The following ZNF503 variants were observed in gnomAD, a reference collection of about 807,000 sequenced individuals.
The protein encoded by ZNF503 is NocA-like zinc finger 2.
ZNF503 carries 15 observed loss-of-function variants against 34.4 expected under a neutral mutation model. The observed-to-expected ratio is 0.44, with a 90% CI of 0.29 to 0.67. The LOEUF (loss-of-function observed/expected upper bound fraction) is 0.67. Among genes scored for constraint, ZNF503 ranks in the 30% least tolerant of loss-of-function variants. ZNF503 has a pLI of 0.13. For synonymous variants in ZNF503, 580 were observed against 456.8 expected, an observed-to-expected ratio of 1.27 and a Z score of -3.44; for missense variants, 1,007 against 926.8, an observed-to-expected ratio of 1.09 and a Z score of -1.12.
chr10:75,336,950 A>G, the ZNF503 span, among the ~76,000 whole-genome samples: 7 of 152,196 alleles, frequency 4.6e-5, no homozygotes, highest in African/African-American at 1.7e-4. Flanking sequence ...TCTGCTTTTA[A>G]AAGGCTTGTC....
the ZNF503 span, among the ~76,000 whole-genome samples, chr10:75,294,776 C>T: frequency 6.7e-6 from 1 of 149,896 alleles, no homozygotes; most frequent in Non-Finnish European, 1.5e-5. Flanking sequence ...AGGGAGACCC[C>T]GGAGAGGAAG....
the ZNF503 span, among the ~76,000 whole-genome samples, chr10:75,372,026 T>G: frequency 6.6e-6 from 1 of 152,162 alleles, no homozygotes; most frequent in African/African-American, 2.4e-5. Flanking sequence ...GCCTTCTGGG[T>G]TCAAGCCATT....
chr10:75,316,426 A>T, the ZNF503 span, among the ~76,000 whole-genome samples: 1 of 151,258 alleles, frequency 6.6e-6, no homozygotes, highest in Non-Finnish European at 1.5e-5. Context: ...GCACGATCAT[A>T]GTTCACTGCA....
the ZNF503 span, among the ~76,000 whole-genome samples, chr10:75,318,418 C>T: frequency 6.6e-6 from 1 of 152,012 alleles, no homozygotes; most frequent in Non-Finnish European, 1.5e-5. Flanking sequence ...CACCTGTAAT[C>T]CCAGCACTTT....
chr10:75,397,613 A>G (rs761173744), downstream of ZNF503, among the ~76,000 whole-genome samples: 18 of 152,308 alleles, frequency 1.2e-4, no homozygotes, highest in East Asian at 3.3e-3. Context: ...GGAGGACACT[A>G]TTTTCCAAAT....
At chr10:75,322,801 C>T in the ZNF503 span, among the ~76,000 whole-genome samples, 28 of 152,214 alleles carry the variant, frequency 1.8e-4, no homozygotes, top group Non-Finnish European at 4.1e-4. Context: ...TATCATGCCA[C>T]TGCACTCTAA....
At chr10:75,326,839 T>TTTTA in the ZNF503 span, among the ~76,000 whole-genome samples, 1 of 151,902 alleles carries the variant, frequency 6.6e-6, no homozygotes, top group African/African-American at 2.4e-5. Context: ...CCTGGCTAAT[T>TTTTA]TTTATTTATT....
the ZNF503 span, among the ~76,000 whole-genome samples, chr10:75,295,975 A>G: frequency 2.0e-5 from 3 of 152,216 alleles, no homozygotes; most frequent in South Asian, 4.1e-4. This position sits in a 1 kb window ranked among gnomAD's most constrained non-coding sequence, Gnocchi z 4.0. Context: ...CTATAACTCT[A>G]CAAGTAAAAC....
At chr10:75,303,039 T>C in the ZNF503 span, among the ~76,000 whole-genome samples, 1 of 152,366 alleles carries the variant, frequency 6.6e-6, no homozygotes, top group East Asian at 1.9e-4. Flanking sequence ...AGAGGTTTTG[T>C]AGACCTCCAA....
At chr10:75,381,149 T>G in the ZNF503 span, among the ~76,000 whole-genome samples, 1 of 152,244 alleles carries the variant, frequency 6.6e-6, no homozygotes, top group Non-Finnish European at 1.5e-5. Context: ...TGTGACCGAA[T>G]TCTGGCCAAT....
chr10:75,371,124 C>G, the ZNF503 span, among the ~76,000 whole-genome samples: 1 of 152,186 alleles, frequency 6.6e-6, no homozygotes, highest in African/African-American at 2.4e-5. Context: ...AGGTTAGGAT[C>G]TGAGAGGACC....
chr10:75,359,967 G>A, the ZNF503 span, among the ~76,000 whole-genome samples: 1 of 151,918 alleles, frequency 6.6e-6, no homozygotes, highest in Admixed American at 6.6e-5. Context: ...AGAAGCTCTT[G>A]GTTTTTAGGT....
chr10:75,397,543 T>A (rs896399381), downstream of ZNF503, among the ~76,000 whole-genome samples: 2 of 152,194 alleles, frequency 1.3e-5, no homozygotes, highest in Admixed American at 1.3e-4. Context: ...ACACCCCCTT[T>A]CACTTTTAAC....
the ZNF503 span, among the ~76,000 whole-genome samples, chr10:75,386,236 T>G: frequency 6.6e-6 from 1 of 152,204 alleles, no homozygotes; most frequent in Admixed American, 6.5e-5. Context: ...TCTACCCTTC[T>G]GTGGCTGGAA....
the ZNF503 span, among the ~76,000 whole-genome samples, chr10:75,329,423 C>CTTCCTTCCT: frequency 1.0e-3 from 82 of 80,300 alleles, no homozygotes; most frequent in African/African-American, 3.1e-3. Flanking sequence ...CCTTTCCTTC[C>CTTCCTTCCT]TTCCTTCCTT....
At chr10:75,365,988 C>T in the ZNF503 span, among the ~76,000 whole-genome samples, 1 of 152,180 alleles carries the variant, frequency 6.6e-6, no homozygotes, top group Non-Finnish European at 1.5e-5. Context: ...GTGCTCTGGT[C>T]CTGGTTCTAA....
the ZNF503 span, among the ~76,000 whole-genome samples, chr10:75,355,591 C>G: frequency 6.6e-6 from 1 of 152,154 alleles, no homozygotes; most frequent in South Asian, 2.1e-4. Context: ...GAGTTCCAGG[C>G]CCCTCTCCCC....
Position 75,399,903 on chromosome 10 carries a change from CGCCGCCCACGTCGGT to C in ZNF503, c.772_786del (p.Thr258_Gly262del). On this transcript the variant is annotated inframe_deletion, in exon 2 of 2. Coordinates refer to ENST00000372524, the MANE Select transcript of ZNF503 (RefSeq NM_032772.6). ...GAGGCGCCCCCGGTGCCCTTGCCAC[CGCCGCCCACGTCGGT>C]GTCTTTCTTGTCGTCCTTGCCCTCC... The C allele has an allele frequency of 6.2e-7, 1 of 1,603,560 alleles. No homozygotes were observed. The highest frequency in any genetic ancestry group is 2.2e-5 in the East Asian group (1 of 44,604).
At chr10:75,289,856 G>A in the ZNF503 span, among the ~76,000 whole-genome samples, 108 of 152,164 alleles carry the variant, frequency 7.1e-4, no homozygotes, top group African/African-American at 2.5e-3. Context: ...GTGAGCCACC[G>A]CACCCAGCCT....
Sources: allele counts gnomAD v4.1 joint callset (sites outside exome capture counted in the v4.1 genomes callset), GRCh38; gene constraint gnomAD v4.1.1; non-coding constraint Gnocchi (gnomAD v3.1); transcripts MANE v1.5; gene names NCBI Gene and HGNC (gene_info 2026-07-23, HGNC 2026-07-21).